PDGFC: variants seen among roughly 807,000 people sequenced by gnomAD.
PDGFC encodes the protein platelet derived growth factor C.
PDGFC carries 12 observed loss-of-function variants against 35.5 expected under a neutral mutation model. The observed-to-expected ratio is 0.34, with a 90% CI of 0.22 to 0.55. The LOEUF (loss-of-function observed/expected upper bound fraction) is 0.55. PDGFC is among the 20% of genes least tolerant of loss of function. PDGFC has a pLI of 0.91. For missense variants in PDGFC, 322 were observed against 412.4 expected (o/e 0.78, Z 1.90); for synonymous variants, 159 against 148.8 (o/e 1.07, Z -0.50).
intron 3 of PDGFC, among the ~76,000 whole-genome samples, chr4:156,792,027 T>C (rs1731312292): frequency 6.6e-6 from 1 of 152,158 alleles, no homozygotes; most frequent in Admixed American, 6.5e-5. Context: ...ACAGGGATAT[T>C]TAAAAAGCAA....
At chr4:156,928,603 T>C (rs779607475) in intron 1 of PDGFC, among the ~76,000 whole-genome samples, 1 of 152,162 alleles carries the variant, frequency 6.6e-6, no homozygotes, top group Non-Finnish European at 1.5e-5. Flanking sequence ...GGAAGATGCA[T>C]AGATTGCAAA....
chr4:156,898,635 T>C (rs974189556), intron 1 of PDGFC, among the ~76,000 whole-genome samples: 1 of 99,642 alleles, frequency 1.0e-5, no homozygotes, highest in African/African-American at 3.7e-5. Context: ...TAATAGAAGC[T>C]TCCATTTTTT....
Position 156,778,888 on chromosome 4 carries a change from T to C in PDGFC, c.496-5995A>G, listed in dbSNP as rs566874190. Among the ~76,000 whole-genome samples, 188 of 152,364 alleles carry C rather than the reference T, an allele frequency of 1.2e-3. 1 individual carries two copies. The highest frequency in any genetic ancestry group is 4.4e-3 in the African/African-American group (183 of 41,584). On this transcript the variant is annotated intron_variant, in intron 3 of 5. Coordinates refer to ENST00000502773, the MANE Select transcript of PDGFC (RefSeq NM_016205.3). Reference sequence around the variant, plus strand: ...AGTACACTTCAAACTGATAAAGTTTTCAATTCATTCATACCTAACAAAAGG... The same window carrying C: ...AGTACACTTCAAACTGATAAAGTTTCCAATTCATTCATACCTAACAAAAGG...
chr4:156,790,377 A>G (rs1731262266), intron 3 of PDGFC, among the ~76,000 whole-genome samples: 1 of 152,208 alleles, frequency 6.6e-6, no homozygotes. Flanking sequence ...ACTTTCTGAA[A>G]ACAATATTAG....
chr4:156,925,755 A>C (rs201878954), intron 1 of PDGFC, among the ~76,000 whole-genome samples: 3 of 151,098 alleles, frequency 2.0e-5, no homozygotes, highest in Non-Finnish European at 4.4e-5. Context: ...AAAAAAAAAA[A>C]AGAGAGAGAC....
intron 4 of PDGFC, among the ~76,000 whole-genome samples, chr4:156,771,836 T>C (rs921330414): frequency 6.6e-6 from 1 of 152,192 alleles, no homozygotes; most frequent in African/African-American, 2.4e-5. Context: ...TTTCACTGTT[T>C]CTGACAGACT....
chr4:156,833,941 T>C (rs925102790), intron 2 of PDGFC, among the ~76,000 whole-genome samples: 2 of 152,196 alleles, frequency 1.3e-5, no homozygotes, highest in African/African-American at 4.8e-5. Flanking sequence ...AACAACTATT[T>C]GCTTGGGTTC....
intron 2 of PDGFC, among the ~76,000 whole-genome samples, chr4:156,843,120 G>T (rs748285961): frequency 1.8e-4 from 27 of 152,088 alleles, no homozygotes; most frequent in Non-Finnish European, 3.1e-4. Flanking sequence ...TAAGGTGATG[G>T]TATTTGAAGG....
At chr4:156,898,712 G>A (rs996333893) in intron 1 of PDGFC, among the ~76,000 whole-genome samples, 13 of 151,878 alleles carry the variant, frequency 8.6e-5, no homozygotes, top group Admixed American at 7.9e-4. Context: ...AGCCTGGCGT[G>A]CACTGGCACA....
At chr4:156,865,750 C>G (rs1353228058) in intron 1 of PDGFC, among the ~76,000 whole-genome samples, 2 of 152,186 alleles carry the variant, frequency 1.3e-5, no homozygotes, top group Non-Finnish European at 2.9e-5. Context: ...AAAGCTGCTT[C>G]CTTCTCTGGC....
At chr4:156,926,176 A>T (rs1339756068) in intron 1 of PDGFC, among the ~76,000 whole-genome samples, 2 of 151,588 alleles carry the variant, frequency 1.3e-5, no homozygotes, top group African/African-American at 4.8e-5. Context: ...TCTTTTGTTC[A>T]TTCAATGAAT....
chr4:156,764,621 T>A (rs978679298), intron 5 of PDGFC, among the ~76,000 whole-genome samples: 14 of 152,206 alleles, frequency 9.2e-5, no homozygotes, highest in African/African-American at 3.1e-4. Flanking sequence ...TATTAGAAAT[T>A]CTAAACTTTT....
chr4:156,934,320 G>A (rs756164134), intron 1 of PDGFC, among the ~76,000 whole-genome samples: 7 of 152,080 alleles, frequency 4.6e-5, no homozygotes, highest in Non-Finnish European at 8.8e-5. Context: ...TAATACAACG[G>A]TAAGTATTAT....
chr4:156,846,972 A>G (rs1285905654), intron 2 of PDGFC, among the ~76,000 whole-genome samples: 2 of 151,860 alleles, frequency 1.3e-5, no homozygotes, highest in South Asian at 4.1e-4. Flanking sequence ...TTTCAGCAAG[A>G]AAGTTAATAA....
intron 1 of PDGFC, among the ~76,000 whole-genome samples, chr4:156,893,365 G>A (rs1025959994): frequency 2.0e-5 from 3 of 151,334 alleles, no homozygotes; most frequent in African/African-American, 7.3e-5. Flanking sequence ...ACAGGGTCTT[G>A]GTCTGTCACC....
chr4:156,948,215 TAAA>T (rs571372509), intron 1 of PDGFC, among the ~76,000 whole-genome samples: 7 of 102,624 alleles, frequency 6.8e-5, no homozygotes, highest in Non-Finnish European at 1.0e-4. Context: ...GATGTACAGC[TAAA>T]AAAAAAAAAA....
chr4:156,763,917 T>C (rs548543768), intron 5 of PDGFC, among the ~76,000 whole-genome samples: 13 of 152,324 alleles, frequency 8.5e-5, no homozygotes, highest in African/African-American at 2.6e-4. Context: ...TACAGCAAGA[T>C]TGACACTTAT....
intron 1 of PDGFC, among the ~76,000 whole-genome samples, chr4:156,943,456 G>C (rs1189015180): frequency 6.6e-6 from 1 of 152,044 alleles, no homozygotes; most frequent in South Asian, 2.1e-4. Flanking sequence ...CAAGCCTACT[G>C]ATGTAGAATC....
At chr4:156,834,419 C>T (rs1729014778) in intron 2 of PDGFC, among the ~76,000 whole-genome samples, 1 of 152,136 alleles carries the variant, frequency 6.6e-6, no homozygotes, top group Admixed American at 6.5e-5. Context: ...CAGTGCCTAC[C>T]ACAATCCCAT....
Sources: gnomAD v4.1 joint callset for allele counts (sites outside exome capture counted in the v4.1 genomes callset) on GRCh38, gnomAD v4.1.1 for gene constraint, MANE v1.5 for transcripts, NCBI Gene and HGNC (gene_info 2026-07-23, HGNC 2026-07-21) for gene names.